PIK3C2G: variants seen among roughly 807,000 people sequenced by gnomAD.
PIK3C2G encodes phosphatidylinositol 3-kinase C2 domain-containing subunit gamma.
A neutral mutation model predicts 181.1 loss-of-function variants in PIK3C2G; 168 were observed. The ratio of observed to expected loss-of-function variants is 0.93; its 90% CI spans 0.82 to 1.05. The LOEUF is 1.05. PIK3C2G is among the 50% of genes least tolerant of loss of function. The pLI, the probability that PIK3C2G is intolerant of heterozygous loss-of-function variation, is 0.00. For missense variants in PIK3C2G, 1,869 were observed against 1,732.8 expected (o/e 1.08, Z -1.40); for synonymous variants, 573 against 592.2 (o/e 0.97, Z 0.47).
chr12:18,431,353 G>A (rs1311888112), intron 18 of PIK3C2G, among the ~76,000 whole-genome samples: 1 of 152,150 alleles, frequency 6.6e-6, no homozygotes, highest in Non-Finnish European at 1.5e-5. Flanking sequence ...TAGCATCCAG[G>A]CAGGAGGAAA....
chr12:18,311,197 CACAT>C (rs1440850983), intron 5 of PIK3C2G, among the ~76,000 whole-genome samples: 5 of 151,964 alleles, frequency 3.3e-5, no homozygotes, highest in African/African-American at 1.2e-4. Flanking sequence ...CATATACACA[CACAT>C]ACAGACACAC....
At chr12:18,488,424 A>G (rs1940254161) in intron 18 of PIK3C2G, 25 bp from the exon 19 acceptor site, 1 of 1,457,290 alleles carries the variant, frequency 6.9e-7, no homozygotes, top group Non-Finnish European at 9.1e-7. Context: ...ACATACAAGA[A>G]TTTTTTTCTC....
the PIK3C2G span, among the ~76,000 whole-genome samples, chr12:18,675,440 C>G: frequency 6.6e-6 from 1 of 152,088 alleles, no homozygotes; most frequent in Non-Finnish European, 1.5e-5. Flanking sequence ...ATTAGTACAA[C>G]CTCTGTGGAA....
chr12:18,450,123 T>C (rs1947267649), intron 18 of PIK3C2G, among the ~76,000 whole-genome samples: 1 of 152,114 alleles, frequency 6.6e-6, no homozygotes, highest in East Asian at 1.9e-4. Flanking sequence ...TTTAATAGCG[T>C]TGTTTTTTAT....
the PIK3C2G span, among the ~76,000 whole-genome samples, chr12:18,708,082 A>C: frequency 2.0e-5 from 3 of 152,192 alleles, no homozygotes; most frequent in Admixed American, 6.5e-5. Flanking sequence ...ATTACCTATA[A>C]TCCTCATATG....
In PIK3C2G at chr12:18,307,849, A is replaced by G. The variant is rs554552690; in HGVS notation, c.1035-6113A>G. On this transcript the variant is annotated intron_variant, in intron 5 of 32. Transcript: ENST00000538779. Reference sequence around the variant, plus strand: ...ACAGAAGAGTTTTAAATTTTCTACTAGCCACACTAAGAAAATATGCAAAGA... The same window carrying G: ...ACAGAAGAGTTTTAAATTTTCTACTGGCCACACTAAGAAAATATGCAAAGA... 3.3e-5 allele frequency among the ~76,000 whole-genome samples: 5 copies of G among 152,002 alleles called. No individual in the cohort carries two copies. The South Asian group carries it at 6.2e-4, about 19-fold the overall frequency.
At chr12:18,351,175 T>G (rs1202895044) in intron 11 of PIK3C2G, among the ~76,000 whole-genome samples, 15 of 152,036 alleles carry the variant, frequency 9.9e-5, no homozygotes, top group African/African-American at 3.1e-4. Context: ...TTTAAGTATG[T>G]ACTTTTAATT....
At chr12:18,287,718 G>T (rs796255095) in intron 3 of PIK3C2G, among the ~76,000 whole-genome samples, 4 of 150,504 alleles carry the variant, frequency 2.7e-5, no homozygotes, top group African/African-American at 9.8e-5. Flanking sequence ...AAAAAAAATT[G>T]CTGGGTGTGG....
intron 5 of PIK3C2G, among the ~76,000 whole-genome samples, chr12:18,310,031 T>C (rs1406175838): frequency 5.3e-5 from 8 of 151,834 alleles, no homozygotes; most frequent in African/African-American, 1.4e-4. Flanking sequence ...AAAGTCAGTG[T>C]TTCTATGAAA....
At chr12:18,262,550 A>G (rs1329256591) in intron 1 of PIK3C2G, among the ~76,000 whole-genome samples, 3 of 151,136 alleles carry the variant, frequency 2.0e-5, no homozygotes, top group Non-Finnish European at 2.9e-5. Flanking sequence ...ATAAAAAGCA[A>G]GTTTGTGAAT....
Position 18,346,793 on chromosome 12 carries a change from A to G in PIK3C2G, c.1582A>G (p.Thr528Ala), listed in dbSNP as rs766010075. 19 of 1,613,620 alleles carry G rather than the reference A, an allele frequency of 1.2e-5. No individual in the cohort carries two copies. The highest frequency in any genetic ancestry group is 1.7e-5 in the Admixed American group (1 of 59,936). Residue 528 changes from threonine to alanine, a missense_variant, in exon 11 of 33, where the codon ACA becomes GCA. Coordinates refer to ENST00000538779, the MANE Select transcript of PIK3C2G (RefSeq NM_001288772.2). ...NPGLPSHLSFTVYAAHNIPET... is the reference protein window; with the variant it reads ...NPGLPSHLSFAVYAAHNIPET... ...CGGGCTTCCTTCCCACCTCAGCTTC[A>G]CAGTGTATGCAGCACACAACATTCC...
intron 1 of PIK3C2G, among the ~76,000 whole-genome samples, chr12:18,265,887 G>A (rs1056751245): frequency 6.6e-5 from 10 of 151,310 alleles, no homozygotes; most frequent in Admixed American, 2.0e-4. Flanking sequence ...GGTGGCAGGC[G>A]CCTGTAATCC....
At chr12:18,646,554 C>T (rs1950144714) in intron 32 of PIK3C2G, among the ~76,000 whole-genome samples, 1 of 152,112 alleles carries the variant, frequency 6.6e-6, no homozygotes, top group African/African-American at 2.4e-5. Flanking sequence ...GTACAAAGTA[C>T]TGGAAGCTAA....
At chr12:18,491,632 ATGGC>A in intron 20 of PIK3C2G, 74 bp downstream of exon 20, 1 of 811,966 alleles carries the variant, frequency 1.2e-6, no homozygotes, top group African/African-American at 1.7e-5. Flanking sequence ...TATGTTTGAA[ATGGC>A]AAAAAGAATT....
At position 18,282,039 on chromosome 12, in the gene PIK3C2G, T is replaced by C. The variant is rs1173485417; in HGVS notation, c.-43T>C. 3 of 1,103,676 alleles carry C rather than the reference T, an allele frequency of 2.7e-6. No homozygotes were observed. The Admixed American group carries it at 7.2e-5, about 26-fold the overall frequency. The allele number at this position is 1,103,676 out of a possible 1,614,324, so 68.4% of individuals were successfully genotyped here. A position where few individuals can be genotyped will look rare whatever the true frequency, so the allele number is the denominator to read the frequency against. On this transcript the variant is annotated 5_prime_UTR_variant, in exon 2 of 33. Transcript: ENST00000538779. ...ATCTTCTTTTGTATTATCAAGGAGA[T>C]ATTTGGAGCAGAGTCAACCCTCTCA...
At chr12:18,292,820 C>T (rs377116882) in intron 4 of PIK3C2G, among the ~76,000 whole-genome samples, 3 of 152,112 alleles carry the variant, frequency 2.0e-5, no homozygotes, top group Non-Finnish European at 4.4e-5. Flanking sequence ...GAAGAACCAA[C>T]GGTGGATTTG....
chr12:18,343,380 A>C lies in PIK3C2G; in HGVS notation c.1429+20A>C. The C allele has an allele frequency of 8.1e-7, 1 of 1,233,110 alleles. No individual in the cohort carries two copies. The allele number at this position is 1,233,110 out of a possible 1,614,324, so 76.4% of individuals were successfully genotyped here. A position where few individuals can be genotyped will look rare whatever the true frequency, so the allele number is the denominator to read the frequency against. On this transcript the variant is annotated intron_variant, in intron 10 of 32. Coordinates refer to ENST00000538779, the MANE Select transcript of PIK3C2G (RefSeq NM_001288772.2). ...CAAAAGGTAAAACATACATGTACTC[A>C]AGTATTTTGAAATAAAGAAAAAAAT... is the stretch of plus-strand genomic sequence containing the variant.
At chr12:18,698,320 C>G in the PIK3C2G span, among the ~76,000 whole-genome samples, 1 of 151,828 alleles carries the variant, frequency 6.6e-6, no homozygotes, top group Non-Finnish European at 1.5e-5. Context: ...CCATTCCATT[C>G]TACTCTATAC....
At chr12:18,337,984 T>G (rs1193763196) in intron 8 of PIK3C2G, among the ~76,000 whole-genome samples, 2 of 152,168 alleles carry the variant, frequency 1.3e-5, no homozygotes, top group Non-Finnish European at 2.9e-5. Flanking sequence ...AAACAATAGG[T>G]GTATTTTGAA....
Sources: allele counts gnomAD v4.1 joint callset (sites outside exome capture counted in the v4.1 genomes callset), GRCh38; gene constraint gnomAD v4.1.1; transcripts MANE v1.5; gene names NCBI Gene and HGNC (gene_info 2026-07-23, HGNC 2026-07-21).